CHST5: variants seen among roughly 807,000 people sequenced by gnomAD.
CHST5 encodes the protein carbohydrate sulfotransferase 5.
For missense variants in CHST5, 637 were observed against 602.1 expected (o/e 1.06, Z -0.61); for synonymous variants, 313 against 279.2 (o/e 1.12, Z -1.21).
Position 75,530,218 on chromosome 16 carries a change from G to A in CHST5, c.167C>T (p.Pro56Leu), listed in dbSNP as rs1301529083. Residue 56 changes from proline to leucine, a missense_variant, in exon 4 of 4, where the codon CCA becomes CTA. By Grantham distance (98) the Pro-to-Leu change is moderately conservative (BLOSUM62 -3). Transcript: ENST00000336257. ...GTGCACACGATCCTCGCCGCCGGCT[G>A]GGGATGAGGGCCCTGGCCGGGAGAT... Reference protein sequence around the residue: ...FIISRPGPSSPAGGEDRVHVL... With the variant: ...FIISRPGPSSLAGGEDRVHVL... 2 of 1,613,708 alleles carry A rather than the reference G, an allele frequency of 1.2e-6. No individual in the cohort carries two copies. Among genetic ancestry groups the A allele is most frequent in the Non-Finnish European group, 1.7e-6 (2 of 1,179,986 alleles).
Position 75,533,028 on chromosome 16 carries a change from G to A in CHST5, c.-1257+61C>T, listed in dbSNP as rs562096834. The A allele has an allele frequency of 1.5e-5, 10 of 665,852 alleles. No homozygotes were observed. The South Asian group carries it at 1.6e-4, about 11-fold the overall frequency. The allele number at this position is 665,852 out of a possible 1,614,324, so 41.2% of individuals were successfully genotyped here. A position where few individuals can be genotyped will look rare whatever the true frequency, so the allele number is the denominator to read the frequency against. On this transcript the variant is annotated intron_variant, in intron 3 of 3. Transcript: ENST00000336257. ...GCTCTGGCCCAAACACAGTTGTCCT[G>A]GCCAGCCCAGCCCTTCCCTGGGTAG...
rs569620755 is a variant in CHST5 at position 75,530,310 on chromosome 16, T to C, written c.75A>G (p.Pro25=). 28 of 1,609,002 alleles carry C rather than the reference T, an allele frequency of 1.7e-5. No individual in the cohort carries two copies. The highest frequency in any genetic ancestry group is 3.3e-4 in the Middle Eastern group (2 of 6,054). ...CTGTCACTGTCTTGCTGGAGAACCG[T>C]GGCAGCCACATGCGGGCGGCTGGGG... ...RRPPAARMWL[P]RFSSKTVTVL... Residue 25 remains proline (P), a synonymous_variant, in exon 4 of 4, where the codon CCA becomes CCG. Coordinates refer to ENST00000336257, the MANE Select transcript of CHST5 (RefSeq NM_024533.5).
At chr16:75,531,901 T>A (rs749280420) in intron 3 of CHST5, among the ~76,000 whole-genome samples, 1 of 152,106 alleles carries the variant, frequency 6.6e-6, no homozygotes, top group African/African-American at 2.4e-5. Context: ...GGTCTCCTGA[T>A]GGATGGAAGC....
Position 75,529,949 on chromosome 16 carries a change from C to A in CHST5, c.436G>T (p.Ala146Ser). The change falls in exon 4 of 4, where the codon GCA (alanine) becomes TCA (serine). Residue 146 changes from alanine to serine, a missense_variant. By Grantham distance (99) the Ala-to-Ser change is moderately conservative (BLOSUM62 1). Coordinates refer to ENST00000336257, the MANE Select transcript of CHST5 (RefSeq NM_024533.5). Reference protein sequence around the residue: ...SRNLSAFFNWATSRALCSPPA... With the variant: ...SRNLSAFFNWSTSRALCSPPA... ...GGCGAGCACAGCGCGCGGCTCGTTG[C>A]CCAGTTGAAAAAGGCGGACAGGTTT... 1 of 1,613,286 alleles carries A rather than the reference C, an allele frequency of 6.2e-7. No homozygotes were observed. The highest frequency in any genetic ancestry group is 8.5e-7 in the Non-Finnish European group (1 of 1,179,954).
rs1326176017 is a variant in CHST5 at position 75,529,443 on chromosome 16, G to T, written c.942C>A (p.Gly314=). 6.2e-7 allele frequency: 1 copy of T among 1,612,782 alleles called. No homozygotes were observed. The highest frequency in any genetic ancestry group is 1.1e-5 in the South Asian group (1 of 91,082). The change falls in exon 4 of 4, where the codon GGC becomes GGA. Residue 314 remains glycine, a synonymous_variant. Transcript: ENST00000336257. ...CCTCGAGCTGTGGCGTGAGGGTCAG[G>T]CCGGTGAAGGCGTAGAGTGCGCGGA... The part of the protein sequence containing the change: ...AEIRALYAFT[G]LTLTPQLEAW...
In CHST5 at chr16:75,530,164, C is replaced by T; in HGVS notation, c.221G>A (p.Gly74Asp). The part of the protein sequence containing the change: ...HVLVLSSWRS[G>D]SSFLGQLFSQ... ...GAAGAGCTGGCCCAAGAAGGATGAG[C>T]CCGAGCGCCACGAGGACAGCACCAG... Residue 74 changes from glycine to aspartate, a missense_variant, in exon 4 of 4, where the codon GGC becomes GAC. Gly to Asp is a moderately conservative substitution (Grantham distance 94). Transcript: ENST00000336257. The T allele has an allele frequency of 6.2e-7, 1 of 1,613,594 alleles. No individual in the cohort carries two copies. The highest frequency in any genetic ancestry group is 8.5e-7 in the Non-Finnish European group (1 of 1,179,962).
At chr16:75,533,743 A>G (rs2080541622) in intron 2 of CHST5, among the ~76,000 whole-genome samples, 1 of 151,910 alleles carries the variant, frequency 6.6e-6, no homozygotes, top group African/African-American at 2.4e-5. Context: ...GGAAGTCAAC[A>G]TTTGCATTTG....
chr16:75,530,922 T>C lies in CHST5; in HGVS notation c.-538A>G, dbSNP rs747130973. ...GGATCTGGGGGGATTGGGGGGTTAT[T>C]ATAATGAAGATGGGGGAAGGGAACA... is the stretch of plus-strand genomic sequence containing the variant. On this transcript the variant is annotated 5_prime_UTR_variant, in exon 4 of 4. It adds an upstream start codon to the 5' untranslated region. Coordinates refer to ENST00000336257, the MANE Select transcript of CHST5 (RefSeq NM_024533.5). 3.0e-6 allele frequency: 3 copies of C among 1,002,716 alleles called. No homozygotes were observed. Among genetic ancestry groups the C allele is most frequent in the African/African-American group, 1.8e-5 (1 of 57,124 alleles). The allele number at this position is 1,002,716 out of a possible 1,614,324, so 62.1% of individuals were successfully genotyped here. A position where few individuals can be genotyped will look rare whatever the true frequency, so the allele number is the denominator to read the frequency against.
In CHST5 at chr16:75,529,242, C is replaced by T; in HGVS notation, c.1143G>A (p.Arg381=). 1.2e-6 allele frequency: 2 copies of T among 1,613,048 alleles called. No homozygotes were observed. The highest frequency in any genetic ancestry group is 1.1e-5 in the South Asian group (1 of 91,048). ...GCTGCTGGTCCGCAGAGTACACAGG[C>T]CGGTAGCCCAGCAGCTGCAGCGCGC... The part of the protein sequence containing the change: ...CAGALQLLGY[R]PVYSADQQRD... Residue 381 remains arginine, a synonymous_variant, in exon 4 of 4, where the codon CGG becomes CGA. Transcript: ENST00000336257.
chr16:75,531,715 G>A (rs1201868100), intron 3 of CHST5, 75 bp from the exon 4 acceptor site: 2 of 1,103,950 alleles, frequency 1.8e-6, no homozygotes, highest in African/African-American at 1.6e-5. Flanking sequence ...TCCCCAGGGT[G>A]GGAACAGAGC....
At chr16:75,533,311 C>T (rs145315711) in intron 2 of CHST5, 128 bp from the exon 3 acceptor site, 1 of 687,150 alleles carries the variant, frequency 1.5e-6, no homozygotes, top group Non-Finnish European at 2.7e-6. Flanking sequence ...CTCCCAAGTC[C>T]CTTGGAGGTA....
chr16:75,531,535 G>T lies in CHST5; in HGVS notation c.-1151C>A. On this transcript the variant is annotated 5_prime_UTR_variant, in exon 4 of 4. Transcript: ENST00000336257. The stretch of plus-strand genomic sequence containing the variant: ...GGGATGGAGCCCAAGAAGCAGAGAG[G>T]TGAGAGCAGAGTACTGTCCTGGCCA... 7.7e-7 allele frequency: 1 copy of T among 1,303,048 alleles called. No homozygotes were observed. The highest frequency in any genetic ancestry group is 1.5e-5 in the African/African-American group (1 of 65,884). 80.7% of individuals were successfully genotyped at this position (1,303,048 alleles called of 1,614,324 possible).
chr16:75,531,468 G>T lies in CHST5; in HGVS notation c.-1084C>A. ...ATGGGCTCCAGAAGGAGGGTGTCCT[G>T]GAGCCCTGTGGGTTTGCAAGAAGAT... On this transcript the variant is annotated 5_prime_UTR_variant, in exon 4 of 4. Transcript: ENST00000336257. 2.4e-6 allele frequency: 3 copies of T among 1,272,056 alleles called. No homozygotes were observed. Among genetic ancestry groups the T allele is most frequent in the Non-Finnish European group, 3.1e-6 (3 of 970,464 alleles). 78.8% of individuals were successfully genotyped at this position (1,272,056 alleles called of 1,614,324 possible).
chr16:75,530,651 T>C lies in CHST5; in HGVS notation c.-267A>G, dbSNP rs1273290063. On this transcript the variant is annotated 5_prime_UTR_variant, in exon 4 of 4. Transcript: ENST00000336257. The stretch of plus-strand genomic sequence containing the variant: ...TCTATCTGTAGAGAGAAATACTATG[T>C]TTCAAAGAGAACTCCTGTCTTTTGC... 7.6e-7 allele frequency: 1 copy of C among 1,318,646 alleles called. No individual in the cohort carries two copies. Among genetic ancestry groups the C allele is most frequent in the African/African-American group, 1.5e-5 (1 of 67,450 alleles). The allele number at this position is 1,318,646 out of a possible 1,614,324, so 81.7% of individuals were successfully genotyped here. A position where few individuals can be genotyped will look rare whatever the true frequency, so the allele number is the denominator to read the frequency against.
Position 75,529,687 on chromosome 16 carries a change from C to A in CHST5, c.698G>T (p.Arg233Leu). The change falls in exon 4 of 4, where the codon CGG (arginine) becomes CTG (leucine). Residue 233 changes from arginine (R) to leucine (L), a missense_variant. Transcript: ENST00000336257. ...VRDPRAVLRSREAAGPILARD... is the reference protein window; with the variant it reads ...VRDPRAVLRSLEAAGPILARD... Reference sequence around the variant, plus strand: ...TGCCAGTATCGGGCCCGCCGCCTCCCGGGAGCGCAGCACGGCCCGCGGGTC... The same window carrying A: ...TGCCAGTATCGGGCCCGCCGCCTCCAGGGAGCGCAGCACGGCCCGCGGGTC... 1.2e-6 allele frequency: 2 copies of A among 1,610,432 alleles called. No homozygotes were observed. The highest frequency in any genetic ancestry group is 1.7e-6 in the Non-Finnish European group (2 of 1,178,444).
Position 75,530,762 on chromosome 16 carries a change from A to G in CHST5, c.-378T>C, listed in dbSNP as rs2080512315. 2 of 1,047,766 alleles carry G rather than the reference A, an allele frequency of 1.9e-6. No individual in the cohort carries two copies. Among genetic ancestry groups the G allele is most frequent in the Admixed American group, 4.9e-5 (1 of 20,298 alleles). 64.9% of individuals were successfully genotyped at this position (1,047,766 alleles called of 1,614,324 possible). On this transcript the variant is annotated 5_prime_UTR_variant, in exon 4 of 4. Coordinates refer to ENST00000336257, the MANE Select transcript of CHST5 (RefSeq NM_024533.5). The stretch of plus-strand genomic sequence containing the variant: ...CTTCGGTGGATGTCAGAGCACCACC[A>G]GGCTCGCCGAGGTTGAATCCTGGCT...
intron 1 of CHST5, among the ~76,000 whole-genome samples, chr16:75,535,662 A>G (rs983387719): frequency 2.6e-5 from 4 of 152,148 alleles, no homozygotes; most frequent in Non-Finnish European, 5.9e-5. Context: ...GAAGGAAGGA[A>G]GGAGCAGGTT....
Position 75,531,180 on chromosome 16 carries a change from G to A in CHST5, c.-796C>T. 2 of 588,290 alleles carry A rather than the reference G, an allele frequency of 3.4e-6. No individual in the cohort carries two copies. The highest frequency in any genetic ancestry group is 6.9e-5 in the South Asian group (1 of 14,410). 36.4% of individuals were successfully genotyped at this position (588,290 alleles called of 1,614,324 possible). ...TACTAAAAATACAAAAAATTAGCCA[G>A]GCGTGATGGTGGGCGCCTGTAGTCC... On this transcript the variant is annotated 5_prime_UTR_variant, in exon 4 of 4. Transcript: ENST00000336257.
Position 75,528,918 on chromosome 16 carries a change from T to C in CHST5, c.*231A>G. The C allele has an allele frequency of 2.1e-6, 1 of 485,942 alleles. No homozygotes were observed. The allele number at this position is 485,942 out of a possible 1,614,324, so 30.1% of individuals were successfully genotyped here. On this transcript the variant is annotated 3_prime_UTR_variant, in exon 4 of 4. Transcript: ENST00000336257. ...CAGAAGAGGTAGGGGCAAGAGTTGC[T>C]TTCCATGAAGAGTGCACCTGATGAG...
Sources: allele counts gnomAD v4.1 joint callset (sites outside exome capture counted in the v4.1 genomes callset), GRCh38; gene constraint gnomAD v4.1.1; transcripts MANE v1.5; gene names NCBI Gene and HGNC (gene_info 2026-07-23, HGNC 2026-07-21).